TRPM7: variants seen among roughly 807,000 people sequenced by gnomAD.
TRPM7 encodes transient receptor potential cation channel subfamily M member 7.
Under a neutral mutation model 229.7 loss-of-function variants are expected in TRPM7, and 134 were observed. That is an observed-to-expected ratio of 0.58 (90% CI 0.51 to 0.67). TRPM7 has a LOEUF of 0.67. TRPM7 is among the 30% of genes least tolerant of loss of function. TRPM7 has a pLI of 0.00. For missense variants in TRPM7, 1,901 were observed against 2,210.0 expected (o/e 0.86, Z 2.80); for synonymous variants, 699 against 715.2 (o/e 0.98, Z 0.36).
chr15:50,612,521 T>C lies in TRPM7; in HGVS notation c.2051+28A>G. The C allele has an allele frequency of 3.1e-6, 5 of 1,590,518 alleles. No individual in the cohort carries two copies. The South Asian group carries it at 3.4e-5, about 11-fold the overall frequency. ...CAATACCTACTTTGAATTTTTAAAA[T>C]GTTTTCAAATGATAAAATACCACTT... On this transcript the variant is annotated intron_variant, in intron 16 of 38. Transcript: ENST00000646667.
intron 38 of TRPM7, among the ~76,000 whole-genome samples, chr15:50,562,028 G>A (rs920683177): frequency 1.3e-5 from 2 of 152,048 alleles, no homozygotes; most frequent in African/African-American, 4.8e-5. Context: ...CCAAATAGCT[G>A]GGATTACAGG....
In TRPM7 at chr15:50,560,293, T is replaced by C. The variant is rs1467787424; in HGVS notation, c.*1385A>G. 6.6e-6 allele frequency: 1 copy of C among 152,542 alleles called. No individual in the cohort carries two copies. The highest frequency in any genetic ancestry group is 6.5e-5 in the Admixed American group (1 of 15,270). The allele number at this position is 152,542 out of a possible 1,614,324, so 9.4% of individuals were successfully genotyped here. A position where few individuals can be genotyped will look rare whatever the true frequency, so the allele number is the denominator to read the frequency against. On this transcript the variant is annotated 3_prime_UTR_variant, in exon 39 of 39. Transcript: ENST00000646667. ...TCAGAATGATTAAACTCACTAAACA[T>C]CTGTAAACAATAAATTTATTTCATT...
intron 1 of TRPM7, among the ~76,000 whole-genome samples, chr15:50,677,416 AAC>A (rs200750919): frequency 0.026 from 3,947 of 151,252 alleles, 76 homozygotes; most frequent in Non-Finnish European, 0.042. Flanking sequence ...CAACAACAAC[AAC>A]ACACACACAC....
intron 25 of TRPM7, among the ~76,000 whole-genome samples, chr15:50,593,385 A>T (rs1301166415): frequency 6.6e-6 from 1 of 152,150 alleles, no homozygotes; most frequent in Non-Finnish European, 1.5e-5. Flanking sequence ...TCCAAACAGT[A>T]AAGAACAGTA....
At position 50,565,076 on chromosome 15, in the gene TRPM7, G is replaced by A. The variant is rs534119734; in HGVS notation, c.5468-3268C>T. On this transcript the variant is annotated intron_variant, in intron 38 of 38. Coordinates refer to ENST00000646667, the MANE Select transcript of TRPM7 (RefSeq NM_017672.6). Reference sequence around the variant, plus strand: ...TCCTCACTGCAACCTGTGCCTCTCGGGTTCAAGCAATTCGCCTGCCTCAGC... The same window carrying A: ...TCCTCACTGCAACCTGTGCCTCTCGAGTTCAAGCAATTCGCCTGCCTCAGC... 2.0e-5 allele frequency among the ~76,000 whole-genome samples: 3 copies of A among 151,970 alleles called. No individual in the cohort carries two copies. The East Asian group carries it at 5.8e-4, about 29-fold the overall frequency.
chr15:50,564,561 A>T lies in TRPM7; in HGVS notation c.5468-2753T>A, dbSNP rs28394228. Among the ~76,000 whole-genome samples, 932 of 151,758 alleles carry T rather than the reference A, an allele frequency of 6.1e-3. 8 individuals carry two copies. The highest frequency in any genetic ancestry group is 0.015 in the African/African-American group (630 of 41,462). On this transcript the variant is annotated intron_variant, in intron 38 of 38. Transcript: ENST00000646667. ...TATATATGTATGTTTTTATTTTTTT[A>T]AAAAAAAGGATACACGTGCAGAACA... is the stretch of plus-strand genomic sequence containing the variant.
At chr15:50,563,695 C>T (rs765426266) in intron 38 of TRPM7, among the ~76,000 whole-genome samples, 103 of 152,306 alleles carry the variant, frequency 6.8e-4, no homozygotes, top group Non-Finnish European at 1.3e-3. Context: ...GGATTGGACA[C>T]GTTACTAAAG....
chr15:50,661,399 C>G (rs1375492317), intron 2 of TRPM7, among the ~76,000 whole-genome samples: 7 of 152,064 alleles, frequency 4.6e-5, no homozygotes, highest in Admixed American at 4.6e-4. Flanking sequence ...AATAAAGCCA[C>G]CAAATGTTAT....
At chr15:50,587,514 G>A (rs957583960) in intron 27 of TRPM7, among the ~76,000 whole-genome samples, 2 of 145,058 alleles carry the variant, frequency 1.4e-5, no homozygotes, top group Non-Finnish European at 3.0e-5. Context: ...AACTTGCAAT[G>A]TCTTGTTTTT....
rs1024731941 is a variant in TRPM7 at position 50,558,112 on chromosome 15, G to C, written c.*3566C>G. The C allele has an allele frequency of 6.6e-6, 1 of 152,144 alleles. No homozygotes were observed. The highest frequency in any genetic ancestry group is 2.4e-5 in the African/African-American group (1 of 41,422). The allele number at this position is 152,144 out of a possible 1,614,324, so 9.4% of individuals were successfully genotyped here. A position where few individuals can be genotyped will look rare whatever the true frequency, so the allele number is the denominator to read the frequency against. On this transcript the variant is annotated 3_prime_UTR_variant, in exon 39 of 39. Transcript: ENST00000646667. ...AATACTTATTGGGGATAAGAAATGT[G>C]GTTTACAAGTAAACTGTTACTTTCT... is the stretch of plus-strand genomic sequence containing the variant.
intron 6 of TRPM7, among the ~76,000 whole-genome samples, chr15:50,639,155 A>G (rs1347457632): frequency 6.6e-6 from 1 of 152,240 alleles, no homozygotes; most frequent in Non-Finnish European, 1.5e-5. Flanking sequence ...TATATGGAAA[A>G]TGTGAAATAA....
At chr15:50,623,238 C>T (rs755566453) in intron 12 of TRPM7, among the ~76,000 whole-genome samples, 8 of 151,872 alleles carry the variant, frequency 5.3e-5, no homozygotes, top group Non-Finnish European at 1.2e-4. Context: ...ATGGTGAAAC[C>T]CCGACTCTAC....
chr15:50,614,208 T>C lies in TRPM7; in HGVS notation c.1550A>G (p.Glu517Gly). ...TCTGTAGGTTCCTCCCATGAGATATTCAATAACAAGTCCTATATCAATCAG... is the reference window on the plus strand; with the variant it reads ...TCTGTAGGTTCCTCCCATGAGATATCCAATAACAAGTCCTATATCAATCAG... ...ITLIDIGLVIEYLMGGTYRCT... is the reference protein window; with the variant it reads ...ITLIDIGLVIGYLMGGTYRCT... Residue 517 changes from glutamate to glycine, a missense_variant, in exon 14 of 39, where the codon GAA becomes GGA. Physicochemically the swap from Glu to Gly is moderately conservative, Grantham distance 98. This residue lies in a region of TRPM7 where 794 missense variants were observed against 881.9 expected (regional missense o/e 0.90). Coordinates refer to ENST00000646667, the MANE Select transcript of TRPM7 (RefSeq NM_017672.6). 6.2e-7 allele frequency: 1 copy of C among 1,612,940 alleles called. No individual in the cohort carries two copies. The highest frequency in any genetic ancestry group is 8.5e-7 in the Non-Finnish European group (1 of 1,179,234).
chr15:50,626,798 TAA>T (rs10589676), intron 11 of TRPM7, among the ~76,000 whole-genome samples: 49,714 of 148,324 alleles, frequency 0.34, 9,933 homozygotes, highest in Admixed American at 0.48. Context: ...TTCCCATGGT[TAA>T]AAAAAAAAAA....
In TRPM7 at chr15:50,674,907, G is replaced by C. The variant is rs1423717201; in HGVS notation, c.3+11624C>G. ...GGTTTTTTCCAAGAGCTGGAAACCA[G>C]AGTTGTTTCTCATTGGCAAATCCAC... On this transcript the variant is annotated intron_variant, in intron 1 of 38. Coordinates refer to ENST00000646667, the MANE Select transcript of TRPM7 (RefSeq NM_017672.6). Among the ~76,000 whole-genome samples, 2 of 152,118 alleles carry C rather than the reference G, an allele frequency of 1.3e-5. 1 individual carries two copies. Among genetic ancestry groups the C allele is most frequent in the South Asian group, 4.1e-4 (2 of 4,832 alleles).
chr15:50,570,525 G>A (rs2053825674), intron 36 of TRPM7, among the ~76,000 whole-genome samples: 1 of 152,056 alleles, frequency 6.6e-6, no homozygotes, highest in South Asian at 2.1e-4. Flanking sequence ...GGTACATGAA[G>A]GAATAATCCA....
intron 7 of TRPM7, among the ~76,000 whole-genome samples, chr15:50,637,174 G>T (rs1449839110): frequency 1.3e-5 from 2 of 151,394 alleles, no homozygotes; most frequent in Non-Finnish European, 2.9e-5. Flanking sequence ...GGGCTGAAAT[G>T]GAATTGCAAT....
chr15:50,672,016 T>C (rs1394685268), intron 1 of TRPM7, among the ~76,000 whole-genome samples: 1 of 152,216 alleles, frequency 6.6e-6, no homozygotes, highest in Non-Finnish European at 1.5e-5. Context: ...ACTACGCTTT[T>C]TATGGTTAGA....
chr15:50,637,388 A>G, intron 7 of TRPM7, 34 bp downstream of exon 7: 1 of 1,598,044 alleles, frequency 6.3e-7, no homozygotes, highest in South Asian at 1.1e-5. Context: ...GCCCAGGACA[A>G]TTTCAACAAT....
Sources: gnomAD v4.1 joint callset for allele counts (sites outside exome capture counted in the v4.1 genomes callset) on GRCh38, gnomAD v4.1.1 for gene constraint, gnomAD v4.1.1 regional missense constraint, MANE v1.5 for transcripts, NCBI Gene and HGNC (gene_info 2026-07-23, HGNC 2026-07-21) for gene names.